EXOC4: variants seen among roughly 807,000 people sequenced by gnomAD.
EXOC4 encodes SEC8-like 1.
A neutral mutation model predicts 107.2 loss-of-function variants in EXOC4; 71 were observed. That is an observed-to-expected ratio of 0.66 (90% confidence interval 0.55 to 0.81). The LOEUF is 0.81. Ranked by LOEUF, EXOC4 falls within the 30% of genes least tolerant of loss-of-function variation. The pLI is 0.00. For synonymous variants in EXOC4, 456 were observed against 441.2 expected, an observed-to-expected ratio of 1.03 and a Z score of -0.42; for missense variants, 1,108 against 1,189.6, an observed-to-expected ratio of 0.93 and a Z score of 1.01.
At chr7:133,566,501 T>G (rs1800908304) in intron 9 of EXOC4, among the ~76,000 whole-genome samples, 1 of 152,186 alleles carries the variant, frequency 6.6e-6, no homozygotes, top group African/African-American at 2.4e-5. Context: ...AATCCTCAAT[T>G]TAGTGGGTAA....
rs986312735 is a variant in EXOC4, at chr7:133,484,158, C to G, written c.1417+4020C>G. 3.1e-6 allele frequency: 5 copies of G among 1,605,274 alleles called. No homozygotes were observed. The African/African-American group carries it at 6.7e-5, about 22-fold the overall frequency. The stretch of plus-strand genomic sequence containing the variant: ...TTATCATACAATTAGAAATGTGACT[C>G]AGTCTAACAACACCCAAGAGGATAA... On this transcript the variant is annotated intron_variant, in intron 9 of 17. Transcript: ENST00000253861.
At chr7:133,653,410 T>C (rs1047525245) in intron 10 of EXOC4, among the ~76,000 whole-genome samples, 2 of 152,210 alleles carry the variant, frequency 1.3e-5, no homozygotes, top group African/African-American at 4.8e-5. Flanking sequence ...TGTAAAACTG[T>C]GTATCAAGAG....
intron 11 of EXOC4, among the ~76,000 whole-genome samples, chr7:133,884,726 C>G (rs1799044674): frequency 6.6e-6 from 1 of 152,002 alleles, no homozygotes; most frequent in Non-Finnish European, 1.5e-5. Flanking sequence ...ACTGTCCTCT[C>G]AGGAGCTAAA....
chr7:133,586,699 C>T (rs1563117560), intron 9 of EXOC4, among the ~76,000 whole-genome samples: 1 of 152,170 alleles, frequency 6.6e-6, no homozygotes, highest in East Asian at 1.9e-4. Context: ...GAAGTTTTCT[C>T]TTCAGAAATT....
At chr7:133,755,254 TATATATATA>T (rs1406469519) in intron 10 of EXOC4, among the ~76,000 whole-genome samples, 1 of 98,162 alleles carries the variant, frequency 1.0e-5, no homozygotes, top group Non-Finnish European at 1.9e-5. Context: ...ATATATATAT[TATATATATA>T]TTATATATAT....
At chr7:133,629,231 A>C (rs1236020815) in intron 9 of EXOC4, among the ~76,000 whole-genome samples, 1 of 152,134 alleles carries the variant, frequency 6.6e-6, no homozygotes, top group East Asian at 1.9e-4. Flanking sequence ...TTAGTGATAC[A>C]TAAAATAATA....
At position 133,473,723 on chromosome 7, in the gene EXOC4, C is replaced by T. The variant is rs139385741; in HGVS notation, c.1183-1605C>T. On this transcript the variant is annotated intron_variant, in intron 7 of 17. Coordinates refer to ENST00000253861, the MANE Select transcript of EXOC4 (RefSeq NM_021807.4). ...TGGGTCTTGTTTTTTTTTTTTAAAA[C>T]GGAGCCTCACTCTGTCGCCCAGGCT... Among the ~76,000 whole-genome samples, 120 of 149,978 alleles carry T rather than the reference C, an allele frequency of 8.0e-4. 1 individual carries two copies. The East Asian group carries it at 0.02, about 25-fold the overall frequency.
chr7:133,345,593 T>C (rs1795766333), intron 5 of EXOC4, among the ~76,000 whole-genome samples: 1 of 152,210 alleles, frequency 6.6e-6, no homozygotes, highest in Non-Finnish European at 1.5e-5. Flanking sequence ...TTAAGTGCTA[T>C]CTCTTGAAAA....
intron 1 of EXOC4, among the ~76,000 whole-genome samples, chr7:133,256,182 C>T (rs1795014442): frequency 6.6e-6 from 1 of 152,146 alleles, no homozygotes; most frequent in South Asian, 2.1e-4. Context: ...AGGGTTTCAC[C>T]ATGTTAGCCA....
At chr7:133,263,374 C>CTTTTTTTT (rs920302686) in intron 1 of EXOC4, among the ~76,000 whole-genome samples, 20 of 83,978 alleles carry the variant, frequency 2.4e-4, no homozygotes, top group South Asian at 4.5e-4. Context: ...AAAAAGCATT[C>CTTTTTTTT]TTTTTTTTTT....
intron 11 of EXOC4, among the ~76,000 whole-genome samples, chr7:133,882,819 G>A (rs1798993831): frequency 6.6e-6 from 1 of 152,136 alleles, no homozygotes; most frequent in Non-Finnish European, 1.5e-5. Flanking sequence ...GTAGACAGAA[G>A]CCATGTCATT....
intron 10 of EXOC4, among the ~76,000 whole-genome samples, chr7:133,767,103 T>TA (rs1267156048): frequency 6.6e-6 from 1 of 151,940 alleles, no homozygotes; most frequent in African/African-American, 2.4e-5. Flanking sequence ...GTTTGACTCT[T>TA]ACCTGGTTTT....
intron 17 of EXOC4, among the ~76,000 whole-genome samples, chr7:134,008,774 G>A (rs1170676580): frequency 1.4e-5 from 2 of 147,532 alleles, no homozygotes; most frequent in African/African-American, 2.5e-5. Flanking sequence ...GACTAAAGGC[G>A]AACACCACCA....
chr7:133,565,011 G>T (rs893047297), intron 9 of EXOC4, among the ~76,000 whole-genome samples: 2 of 152,264 alleles, frequency 1.3e-5, no homozygotes, highest in Admixed American at 6.5e-5. Flanking sequence ...GATAGAAATC[G>T]AATTTGGTGA....
At chr7:133,658,202 A>T (rs12530581) in intron 10 of EXOC4, among the ~76,000 whole-genome samples, 64,960 of 151,916 alleles carry the variant, frequency 0.43, 14,836 homozygotes, top group Admixed American at 0.57. Context: ...GAGAGATCCC[A>T]ATACATCCGT....
At chr7:133,334,805 T>G (rs1795474256) in intron 5 of EXOC4, among the ~76,000 whole-genome samples, 1 of 152,166 alleles carries the variant, frequency 6.6e-6, no homozygotes, top group African/African-American at 2.4e-5. Flanking sequence ...TCCTACTCAT[T>G]AGTTGAGAAC....
At chr7:133,346,193 T>A (rs1008333791) in intron 5 of EXOC4, among the ~76,000 whole-genome samples, 6 of 152,226 alleles carry the variant, frequency 3.9e-5, no homozygotes, top group African/African-American at 1.4e-4. Flanking sequence ...GCAACAGTCT[T>A]CCAACCTAGG....
chr7:133,885,985 GAAGT>G (rs1167753417), intron 11 of EXOC4, among the ~76,000 whole-genome samples: 1 of 152,118 alleles, frequency 6.6e-6, no homozygotes, highest in East Asian at 1.9e-4. Flanking sequence ...GAAGGATCGA[GAAGT>G]AAGAGGCCTG....
At chr7:133,663,283 T>A (rs1793737983) in intron 10 of EXOC4, among the ~76,000 whole-genome samples, 1 of 152,154 alleles carries the variant, frequency 6.6e-6, no homozygotes, top group Non-Finnish European at 1.5e-5. Flanking sequence ...CCCTGACCTC[T>A]TACTAGCCTG....
Sources: gnomAD v4.1 joint callset for allele counts (sites outside exome capture counted in the v4.1 genomes callset) on GRCh38, gnomAD v4.1.1 for gene constraint, MANE v1.5 for transcripts, NCBI Gene and HGNC (gene_info 2026-07-23, HGNC 2026-07-21) for gene names.